ZNF570: variants seen among roughly 807,000 people sequenced by gnomAD.
The protein encoded by ZNF570 is zinc finger protein 570.
In ZNF570, 8 loss-of-function variants were observed where a neutral mutation model predicts 14.2. The observed-to-expected ratio is 0.56, with a 90% CI of 0.33 to 1.02. The LOEUF is 1.02. ZNF570 is among the 50% of genes least tolerant of loss of function. The probability of loss-of-function intolerance (pLI) is 0.03; values close to 1 mark genes in which losing one functional copy is unlikely to be tolerated. For synonymous variants in ZNF570, 202 were observed against 207.6 expected (o/e 0.97, Z 0.23); for missense variants, 559 against 624.9 (o/e 0.89, Z 1.12).
chr19:37,469,434 C>A lies in ZNF570; in HGVS notation c.-175C>A, dbSNP rs779116334. On this transcript the variant is annotated 5_prime_UTR_variant, in exon 1 of 5. Transcript: ENST00000330173. ...AGACCCGAGTGCAGATTCCCCGAGC[C>A]TTCGGGGCAGGAAGGAGATCTTCCA... The A allele has an allele frequency of 3.5e-5, 54 of 1,534,172 alleles. No individual in the cohort carries two copies. Among genetic ancestry groups the A allele is most frequent in the Non-Finnish European group, 4.7e-5 (54 of 1,145,532 alleles).
chr19:37,484,753 G>C lies in ZNF570; in HGVS notation c.1131G>C (p.Gln377His). ...TTCGTGCATACCTTACTGTACATCAGAGAATACATACTGGAGAGAGACCCT... is the reference window on the plus strand; with the variant it reads ...TTCGTGCATACCTTACTGTACATCACAGAATACATACTGGAGAGAGACCCT... ...FSLRAYLTVH[Q>H]RIHTGERPYE... Residue 377 changes from glutamine to histidine, a missense_variant, in exon 5 of 5, where the codon CAG (glutamine) becomes CAC (histidine). Gln to His is a conservative substitution (Grantham distance 24). Coordinates refer to ENST00000330173, the MANE Select transcript of ZNF570 (RefSeq NM_144694.5). 1 of 1,614,076 alleles carries C rather than the reference G, an allele frequency of 6.2e-7. No individual in the cohort carries two copies. Among genetic ancestry groups the C allele is most frequent in the Non-Finnish European group, 8.5e-7 (1 of 1,179,990 alleles).
chr19:37,471,303 G>A (rs951131802), intron 2 of ZNF570, among the ~76,000 whole-genome samples: 14 of 152,056 alleles, frequency 9.2e-5, no homozygotes, highest in Admixed American at 9.2e-4. Context: ...GTGAGCCACC[G>A]CACCCGGCCA....
At chr19:37,469,258 C>G (rs1289639587), upstream of ZNF570, 12 of 1,394,018 alleles carry the variant, frequency 8.6e-6, no homozygotes, top group Non-Finnish European at 1.1e-5. Flanking sequence ...ACTGCGACGC[C>G]GCGACCTTTT....
intron 4 of ZNF570, among the ~76,000 whole-genome samples, chr19:37,476,957 C>G (rs531784755): frequency 6.6e-6 from 1 of 152,222 alleles, no homozygotes; most frequent in East Asian, 1.9e-4. Flanking sequence ...CTGCCTGCCT[C>G]AGCCTTCCAA....
chr19:37,470,695 C>CTTTTTTTTTTTTTTTT (rs760686313), intron 2 of ZNF570, among the ~76,000 whole-genome samples: 8 of 93,006 alleles, frequency 8.6e-5, no homozygotes, highest in Admixed American at 4.0e-4. Flanking sequence ...CTTATTTATT[C>CTTTTTTTTTTTTTTTT]TTTTTTTTTT....
intron 2 of ZNF570, among the ~76,000 whole-genome samples, chr19:37,472,148 G>A (rs551848331): frequency 2.0e-5 from 3 of 151,956 alleles, no homozygotes; most frequent in Admixed American, 6.5e-5. Flanking sequence ...CTTGTGATCC[G>A]CCTGCCTCGG....
intron 2 of ZNF570, 101 bp downstream of exon 2, chr19:37,470,488 T>C: frequency 1.6e-5 from 17 of 1,065,698 alleles, no homozygotes; most frequent in Non-Finnish European, 2.4e-5. Flanking sequence ...TAACCAGTCA[T>C]GTCCCTTATC....
In ZNF570 at chr19:37,485,115, A is replaced by G. The variant is rs1204383891; in HGVS notation, c.1493A>G (p.Tyr498Cys). 2.5e-6 allele frequency: 4 copies of G among 1,613,616 alleles called. No homozygotes were observed. Among genetic ancestry groups the G allele is most frequent in the South Asian group, 1.1e-5 (1 of 91,034 alleles). Reference protein sequence around the residue: ...HQRIHTGERPYECKECKKTFR... With the variant: ...HQRIHTGERPCECKECKKTFR... The stretch of plus-strand genomic sequence containing the variant: ...AGAATTCATACTGGAGAGAGACCCT[A>G]TGAATGTAAGGAATGCAAAAAAACC... The change falls in exon 5 of 5, where the codon TAT becomes TGT. Residue 498 changes from tyrosine to cysteine, a missense_variant. Physicochemically the swap from Tyr to Cys is radical, Grantham distance 194 (BLOSUM62 -2). Transcript: ENST00000330173.
intron 2 of ZNF570, among the ~76,000 whole-genome samples, chr19:37,472,963 T>C (rs2041985389): frequency 6.6e-6 from 1 of 152,148 alleles, no homozygotes; most frequent in Non-Finnish European, 1.5e-5. Context: ...GAAAGTGGGT[T>C]GTTCAGTTAT....
chr19:37,483,760 C>T, intron 4 of ZNF570, 119 bp from the exon 5 acceptor site: 1 of 1,065,534 alleles, frequency 9.4e-7, no homozygotes, highest in Non-Finnish European at 1.3e-6. Flanking sequence ...ACTGCAAAAG[C>T]CAATGTTCCT....
Position 37,486,290 on chromosome 19 carries a change from A to G in ZNF570, c.*1057A>G, listed in dbSNP as rs930036580. The G allele has an allele frequency of 2.0e-5, 3 of 152,074 alleles. No individual in the cohort carries two copies. In the South Asian group the frequency reaches 6.2e-4, roughly 32 times the overall value. 9.4% of individuals were successfully genotyped at this position (152,074 alleles called of 1,614,324 possible). On this transcript the variant is annotated 3_prime_UTR_variant, in exon 5 of 5. Transcript: ENST00000330173. ...GGAAAATCATAGCTCCAACACTACT[A>G]TGGCATTGCGTGACTTTGAGCAATT...
chr19:37,476,910 A>T (rs2042032260), intron 4 of ZNF570, among the ~76,000 whole-genome samples: 2 of 152,038 alleles, frequency 1.3e-5, no homozygotes, highest in South Asian at 4.2e-4. Flanking sequence ...GGGTTTCTCC[A>T]TGTTAGGCTG....
intron 4 of ZNF570, among the ~76,000 whole-genome samples, chr19:37,483,011 C>T (rs1014424727): frequency 1.3e-5 from 2 of 152,118 alleles, no homozygotes; most frequent in African/African-American, 4.8e-5. Context: ...TACCCAGTCT[C>T]AGGTAGTGTC....
chr19:37,481,540 T>A (rs1439540479), intron 4 of ZNF570, among the ~76,000 whole-genome samples: 1 of 152,242 alleles, frequency 6.6e-6, no homozygotes. Flanking sequence ...TTTTCATTAA[T>A]ATATTCTTCC....
chr19:37,474,433 A>G (rs1182984358), intron 2 of ZNF570, among the ~76,000 whole-genome samples: 1 of 152,068 alleles, frequency 6.6e-6, no homozygotes, highest in Non-Finnish European at 1.5e-5. Context: ...AACTTGAAGA[A>G]TTTTGCTTCT....
intron 2 of ZNF570, among the ~76,000 whole-genome samples, chr19:37,471,477 T>A (rs1370740351): frequency 6.6e-6 from 1 of 152,158 alleles, no homozygotes; most frequent in Non-Finnish European, 1.5e-5. Context: ...CCACTGGGTG[T>A]CGCAGGTCTT....
At chr19:37,479,421 T>C (rs1331987451) in intron 4 of ZNF570, among the ~76,000 whole-genome samples, 1 of 152,130 alleles carries the variant, frequency 6.6e-6, no homozygotes, top group Non-Finnish European at 1.5e-5. Flanking sequence ...AGGGCTAGTT[T>C]TGGTAAATAT....
At chr19:37,480,044 T>A (rs565634211) in intron 4 of ZNF570, among the ~76,000 whole-genome samples, 1 of 152,360 alleles carries the variant, frequency 6.6e-6, no homozygotes, top group East Asian at 1.9e-4. Flanking sequence ...TTCAAATTTT[T>A]CTTATTTCTT....
At chr19:37,480,615 T>C (rs1026281489) in intron 4 of ZNF570, among the ~76,000 whole-genome samples, 4 of 152,224 alleles carry the variant, frequency 2.6e-5, no homozygotes, top group Non-Finnish European at 5.9e-5. Context: ...ACCATTATTA[T>C]ATTTATTTAA....
Sources: allele counts gnomAD v4.1 joint callset (sites outside exome capture counted in the v4.1 genomes callset), GRCh38; gene constraint gnomAD v4.1.1; transcripts MANE v1.5; gene names NCBI Gene and HGNC (gene_info 2026-07-23, HGNC 2026-07-21).